The following VPS35 variants were observed in gnomAD, a reference collection of about 807,000 sequenced individuals.
VPS35 encodes the protein VPS35 retromer complex component.
Under a neutral mutation model 98.1 loss-of-function variants are expected in VPS35, and 21 were observed. The ratio of observed to expected loss-of-function variants is 0.21; its 90% CI spans 0.15 to 0.31. The LOEUF (loss-of-function observed/expected upper bound fraction) is 0.31. Among genes scored for constraint, VPS35 ranks in the 10% least tolerant of loss-of-function variants. The pLI, the probability that VPS35 is intolerant of heterozygous loss-of-function variation, is 1.00. For synonymous variants in VPS35, 268 were observed against 318.2 expected (o/e 0.84, Z 1.68); for missense variants, 554 against 950.8 (o/e 0.58, Z 5.49).
Position 46,660,329 on chromosome 16 carries a change from G to A in VPS35, c.*143C>T, listed in dbSNP as rs1168658911. On this transcript the variant is annotated 3_prime_UTR_variant, in exon 17 of 17. Transcript: ENST00000299138. The stretch of plus-strand genomic sequence containing the variant: ...AGGTCCTGAAGGTGAGTGTCCGGAG[G>A]TGCTGGGTAAAACACATCACAGGTA... 2.1e-6 allele frequency: 2 copies of A among 957,602 alleles called. No homozygotes were observed. Among genetic ancestry groups the A allele is most frequent in the Non-Finnish European group, 3.2e-6 (2 of 625,666 alleles). The allele number at this position is 957,602 out of a possible 1,614,324, so 59.3% of individuals were successfully genotyped here.
chr16:46,680,616 T>A, intron 5 of VPS35, 55 bp downstream of exon 5: 1 of 1,562,668 alleles, frequency 6.4e-7, no homozygotes, highest in South Asian at 1.1e-5. Flanking sequence ...CACACTTTTA[T>A]ACATTCTACA....
intron 12 of VPS35, among the ~76,000 whole-genome samples, chr16:46,670,347 G>A (rs1330032490): frequency 6.6e-6 from 1 of 152,142 alleles, no homozygotes; most frequent in Non-Finnish European, 1.5e-5. Flanking sequence ...GCAATGGCAT[G>A]ATATCCACTC....
Position 46,677,411 on chromosome 16 carries a change from A to T in VPS35, c.721-13T>A. 6.2e-7 allele frequency: 1 copy of T among 1,605,972 alleles called. No individual in the cohort carries two copies. The highest frequency in any genetic ancestry group is 8.5e-7 in the Non-Finnish European group (1 of 1,172,638). The stretch of plus-strand genomic sequence containing the variant: ...CAGTCAAAACAATCTAAAAGAGAAA[A>T]AACACACATAAGGGTTAAAATCTGT... On this transcript the variant is annotated splice_polypyrimidine_tract_variant and intron_variant, in intron 6 of 16. Transcript: ENST00000299138.
At chr16:46,688,756 T>G in intron 1 of VPS35, 1 of 1,233,394 alleles carries the variant, frequency 8.1e-7, no homozygotes, top group Non-Finnish European at 1.0e-6. Flanking sequence ...TCTCAGGGCC[T>G]CCACGCGCCC....
Position 46,661,792 on chromosome 16 carries a change from G to T in VPS35, c.2137C>A (p.Pro713Thr). Residue 713 changes from proline (P) to threonine (T), a missense_variant, in exon 16 of 17, where the codon CCC (proline) becomes ACC (threonine). By Grantham distance (38) the Pro-to-Thr change is conservative. Around this residue, in one of 5 missense-constraint regions of VPS35, gnomAD observed 153 missense variants for 211.0 expected, o/e 0.73. Transcript: ENST00000299138. The surrounding 1 kb of genome is among the most constrained non-coding windows in gnomAD (Gnocchi z 4.3). ...ATAAAAAGCTGCACTTGTAGAGAGGGGTCCATGCACTGATTTGCTATTTTT... is the reference window on the plus strand; with the variant it reads ...ATAAAAAGCTGCACTTGTAGAGAGGTGTCCATGCACTGATTTGCTATTTTT... Reference protein sequence around the residue: ...ALKIANQCMDPSLQVQLFIEI... With the variant: ...ALKIANQCMDTSLQVQLFIEI... 1 of 1,613,900 alleles carries T rather than the reference G, an allele frequency of 6.2e-7. No homozygotes were observed. Among genetic ancestry groups the T allele is most frequent in the African/African-American group, 1.3e-5 (1 of 74,962 alleles).
chr16:46,677,683 G>A (rs145256703), intron 6 of VPS35: 38 of 395,492 alleles, frequency 9.6e-5, no homozygotes, highest in African/African-American at 2.1e-4. Flanking sequence ...CTACAGGTAC[G>A]TTCCACCATG....
In VPS35 at chr16:46,689,170, C is replaced by G. The variant is rs924646516; in HGVS notation, c.-37G>C. 2 of 1,602,956 alleles carry G rather than the reference C, an allele frequency of 1.2e-6. No homozygotes were observed. Among genetic ancestry groups the G allele is most frequent in the African/African-American group, 1.3e-5 (1 of 74,820 alleles). ...AGAGCCTGCAGCAAGCAGCACCCGC[C>G]CCGCGCGTAGCCTCCCGCGGTCATG... On this transcript the variant is annotated 5_prime_UTR_variant, in exon 1 of 17. Coordinates refer to ENST00000299138, the MANE Select transcript of VPS35 (RefSeq NM_018206.6).
intron 7 of VPS35, 32 bp downstream of exon 7, chr16:46,677,283 C>T (rs1966166278): frequency 6.4e-7 from 1 of 1,573,680 alleles, no homozygotes; most frequent in East Asian, 2.2e-5. Context: ...TAAAATAGGT[C>T]GTTTAAAAAA....
chr16:46,688,651 T>G, intron 1 of VPS35: 5 of 1,025,532 alleles, frequency 4.9e-6, no homozygotes, highest in African/African-American at 1.7e-5. Flanking sequence ...AAGGAATCAC[T>G]GCGACCCCTC....
At position 46,685,667 on chromosome 16, in the gene VPS35, G is replaced by A. The variant is rs1367725837; in HGVS notation, c.4-2061C>T. 2.6e-5 allele frequency among the ~76,000 whole-genome samples: 4 copies of A among 152,146 alleles called. No individual in the cohort carries two copies. In the East Asian group the frequency reaches 7.7e-4, roughly 29 times the overall value. ...CAGCATTTAAAGACTCTGACTTAATGAAATTTACTATTCATCATGGGCTAG... is the reference window on the plus strand; with the variant it reads ...CAGCATTTAAAGACTCTGACTTAATAAAATTTACTATTCATCATGGGCTAG... On this transcript the variant is annotated intron_variant, in intron 1 of 16. Coordinates refer to ENST00000299138, the MANE Select transcript of VPS35 (RefSeq NM_018206.6).
At chr16:46,684,835 C>T (rs1966288106) in intron 1 of VPS35, among the ~76,000 whole-genome samples, 1 of 152,126 alleles carries the variant, frequency 6.6e-6, no homozygotes, top group Non-Finnish European at 1.5e-5. Context: ...GTGGTATATA[C>T]ATACAATTAC....
chr16:46,672,353 T>C lies in VPS35; in HGVS notation c.1280A>G (p.Tyr427Cys). 6.2e-7 allele frequency: 1 copy of C among 1,613,858 alleles called. No individual in the cohort carries two copies. Among genetic ancestry groups the C allele is most frequent in the South Asian group, 1.1e-5 (1 of 91,080 alleles). Residue 427 changes from tyrosine to cysteine, a missense_variant, in exon 11 of 17, where the codon TAC (tyrosine) becomes TGC (cysteine). Physicochemically the swap from Tyr to Cys is radical, Grantham distance 194. This residue lies in a region of VPS35 where 254 missense variants were observed against 390.1 expected (regional missense o/e 0.65). Coordinates refer to ENST00000299138, the MANE Select transcript of VPS35 (RefSeq NM_018206.6). ...GCTCTTTCTGGACTCGTAGTCAAAG[T>C]ACTCAAAGAGTGGGTGAAAATGTTT... The part of the protein sequence containing the change: ...KLKHFHPLFE[Y>C]FDYESRKSMS...
At chr16:46,683,916 C>T (rs1218588237) in intron 1 of VPS35, among the ~76,000 whole-genome samples, 1 of 152,012 alleles carries the variant, frequency 6.6e-6, no homozygotes, top group East Asian at 1.9e-4. Flanking sequence ...TTAGTAGAGA[C>T]GGGGTTTCAC....
intron 3 of VPS35, 42 bp downstream of exon 3, chr16:46,682,037 A>T (rs1966242873): frequency 6.7e-7 from 1 of 1,494,818 alleles, no homozygotes; most frequent in Non-Finnish European, 9.3e-7. Context: ...ATCAAGAAAA[A>T]GGTATGGTCC....
At position 46,661,673 on chromosome 16, in the gene VPS35, A is replaced by C. The variant is rs781744600; in HGVS notation, c.2211+45T>G. ...CATATCAAATCTCCTAAGAGTAGGA[A>C]GGGAAAATATTAGTTTATTAACAAC... On this transcript the variant is annotated intron_variant, in intron 16 of 16. Coordinates refer to ENST00000299138, the MANE Select transcript of VPS35 (RefSeq NM_018206.6). This position sits in a 1 kb window ranked among gnomAD's most constrained non-coding sequence, Gnocchi z 4.3. 36 of 1,542,480 alleles carry C rather than the reference A, an allele frequency of 2.3e-5. No individual in the cohort carries two copies. The South Asian group carries it at 3.9e-4, about 17-fold the overall frequency.
Position 46,658,009 on chromosome 16 carries a change from T to C in VPS35, c.*2463A>G, listed in dbSNP as rs1965857631. 1 of 152,166 alleles carries C rather than the reference T, an allele frequency of 6.6e-6. No individual in the cohort carries two copies. The highest frequency in any genetic ancestry group is 2.1e-4 in the South Asian group (1 of 4,826). The allele number at this position is 152,166 out of a possible 1,614,324, so 9.4% of individuals were successfully genotyped here. On this transcript the variant is annotated 3_prime_UTR_variant, in exon 17 of 17. Transcript: ENST00000299138. ...GACACACAAAGCACAAAGCCAAATA[T>C]TTATTACATCCAATAGACATAAAAT...
Position 46,661,631 on chromosome 16 carries a change from A to T in VPS35, c.2211+87T>A. ...AAATGAACAGTGATTAAAGTATCAGAATGATAAACTTTTGTACATATCAAA... is the reference window on the plus strand; with the variant it reads ...AAATGAACAGTGATTAAAGTATCAGTATGATAAACTTTTGTACATATCAAA... On this transcript the variant is annotated intron_variant, in intron 16 of 16. Coordinates refer to ENST00000299138, the MANE Select transcript of VPS35 (RefSeq NM_018206.6). This position sits in a 1 kb window ranked among gnomAD's most constrained non-coding sequence, Gnocchi z 4.3. 8.2e-7 allele frequency: 1 copy of T among 1,226,106 alleles called. No homozygotes were observed. The highest frequency in any genetic ancestry group is 1.2e-6 in the Non-Finnish European group (1 of 846,510). 76.0% of individuals were successfully genotyped at this position (1,226,106 alleles called of 1,614,324 possible).
intron 8 of VPS35, among the ~76,000 whole-genome samples, chr16:46,675,229 G>A (rs1966130869): frequency 6.6e-6 from 1 of 151,966 alleles, no homozygotes; most frequent in African/African-American, 2.4e-5. Flanking sequence ...GATATGGACA[G>A]AAATGCATTA....
intron 7 of VPS35, 23 bp from the exon 8 acceptor site, chr16:46,676,715 A>C (rs1289418216): frequency 7.3e-6 from 11 of 1,503,986 alleles, no homozygotes; most frequent in Non-Finnish European, 1.0e-5. Flanking sequence ...TGATCAATAC[A>C]AATAAAAGTA....
Sources: gnomAD v4.1 joint callset for allele counts (sites outside exome capture counted in the v4.1 genomes callset) on GRCh38, gnomAD v4.1.1 for gene constraint, gnomAD v4.1.1 regional missense constraint, Gnocchi (gnomAD v3.1) non-coding constraint, MANE v1.5 for transcripts, NCBI Gene and HGNC (gene_info 2026-07-23, HGNC 2026-07-21) for gene names.